KIF13A: variants seen among roughly 807,000 people sequenced by gnomAD.
KIF13A encodes the protein kinesin family member 13A.
A neutral mutation model predicts 212.2 loss-of-function variants in KIF13A; 79 were observed. The observed-to-expected ratio is 0.37, with a 90% CI of 0.31 to 0.45. The LOEUF is 0.45. Ranked by LOEUF, KIF13A falls within the 20% of genes least tolerant of loss-of-function variation. The pLI is 1.00. For synonymous variants in KIF13A, 789 were observed against 808.6 expected, an observed-to-expected ratio of 0.98 and a Z score of 0.41; for missense variants, 1,901 against 2,209.0, an observed-to-expected ratio of 0.86 and a Z score of 2.79.
Position 17,772,115 on chromosome 6 carries a change from T to G in KIF13A, c.4325-56A>C. The G allele has an allele frequency of 1.3e-6, 2 of 1,516,802 alleles. No homozygotes were observed. Among genetic ancestry groups the G allele is most frequent in the Non-Finnish European group, 1.8e-6 (2 of 1,098,856 alleles). 94.0% of individuals were successfully genotyped at this position (1,516,802 alleles called of 1,614,324 possible). On this transcript the variant is annotated intron_variant, in intron 36 of 38. Coordinates refer to ENST00000259711, the MANE Select transcript of KIF13A (RefSeq NM_022113.6). This position sits in a 1 kb window ranked among gnomAD's most constrained non-coding sequence, Gnocchi z 4.8. ...GATGCTGAACACTTTAAGCAAAACA[T>G]AGGAACTGAGACAATGACCCAGCCA...
At chr6:17,861,447 A>G (rs1484512247) in intron 4 of KIF13A, among the ~76,000 whole-genome samples, 1 of 152,146 alleles carries the variant, frequency 6.6e-6, no homozygotes, top group Non-Finnish European at 1.5e-5. Context: ...TATTTAGATT[A>G]TTTCCTTTTA....
chr6:17,833,014 C>CAAAAAAAAAAAAAAAAAAAAA (rs61281213), intron 12 of KIF13A, among the ~76,000 whole-genome samples: 1 of 75,386 alleles, frequency 1.3e-5, no homozygotes, highest in African/African-American at 6.8e-5. Context: ...ACTCTGTCTG[C>CAAAAAAAAAAAAAAAAAAAAA]AAAAAAAAAA....
chr6:17,825,711 G>C lies in KIF13A; in HGVS notation c.1786+57C>G. On this transcript the variant is annotated intron_variant, in intron 16 of 38. Transcript: ENST00000259711. The surrounding 1 kb of genome is among the most constrained non-coding windows in gnomAD (Gnocchi z 4.5). ...ACCTGATGCATGCTTATCCCTCACTGAATGGTGTGAGGTGAGGAAATGCCC... is the reference window on the plus strand; with the variant it reads ...ACCTGATGCATGCTTATCCCTCACTCAATGGTGTGAGGTGAGGAAATGCCC... 6.9e-7 allele frequency: 1 copy of C among 1,456,334 alleles called. No homozygotes were observed. Among genetic ancestry groups the C allele is most frequent in the Non-Finnish European group, 9.4e-7 (1 of 1,059,626 alleles). 90.2% of individuals were successfully genotyped at this position (1,456,334 alleles called of 1,614,324 possible). A position where few individuals can be genotyped will look rare whatever the true frequency, so the allele number is the denominator to read the frequency against.
chr6:17,833,741 A>G (rs1335312924), intron 12 of KIF13A, among the ~76,000 whole-genome samples: 1 of 150,870 alleles, frequency 6.6e-6, no homozygotes, highest in African/African-American at 2.4e-5. Flanking sequence ...CTGTAATCCC[A>G]GCTACTCGGG....
rs1216423894 is a variant in KIF13A at position 17,799,090 on chromosome 6, GATTTT to G, written c.2790+171_2790+175del. Among the ~76,000 whole-genome samples, 2 of 152,166 alleles carry G rather than the reference GATTTT, an allele frequency of 1.3e-5. No individual in the cohort carries two copies. Among genetic ancestry groups the G allele is most frequent in the Non-Finnish European group, 2.9e-5 (2 of 68,036 alleles). On this transcript the variant is annotated intron_variant, in intron 22 of 38. Coordinates refer to ENST00000259711, the MANE Select transcript of KIF13A (RefSeq NM_022113.6). The surrounding 1 kb of genome is among the most constrained non-coding windows in gnomAD (Gnocchi z 4.4). The stretch of plus-strand genomic sequence containing the variant: ...CAAGACTGTTGGTAGAGATCTTTTA[GATTTT>G]ATTTTAAATATTTCTAAACTATTTG...
At position 17,763,722 on chromosome 6, in the gene KIF13A, A is replaced by G; in HGVS notation, c.*388T>C. On this transcript the variant is annotated 3_prime_UTR_variant, in exon 39 of 39. Transcript: ENST00000259711. The stretch of plus-strand genomic sequence containing the variant: ...GATATGACAGAGTTTAATTGGCAGT[A>G]TTTTTTCTTAATGATACATAAAATA... 5 of 534,126 alleles carry G rather than the reference A, an allele frequency of 9.4e-6. No homozygotes were observed. The highest frequency in any genetic ancestry group is 6.4e-5 in the South Asian group (1 of 15,678). 33.1% of individuals were successfully genotyped at this position (534,126 alleles called of 1,614,324 possible).
Position 17,914,938 on chromosome 6 carries a change from T to C in KIF13A, c.147-16758A>G, listed in dbSNP as rs1774367780. ...CTGTGAGGTCATTCTCAGGATGAAA[T>C]ACACACTGGCCTATCTGCCACTATT... On this transcript the variant is annotated intron_variant, in intron 2 of 38. Coordinates refer to ENST00000259711, the MANE Select transcript of KIF13A (RefSeq NM_022113.6). The surrounding 1 kb of genome is among the most constrained non-coding windows in gnomAD (Gnocchi z 5.9). Among the ~76,000 whole-genome samples, 1 of 152,204 alleles carries C rather than the reference T, an allele frequency of 6.6e-6. No homozygotes were observed. The highest frequency in any genetic ancestry group is 2.1e-4 in the South Asian group (1 of 4,826).
At chr6:17,796,216 TTTGGAGACGGAGTC>T (rs1762020127) in intron 23 of KIF13A, among the ~76,000 whole-genome samples, 1 of 151,216 alleles carries the variant, frequency 6.6e-6, no homozygotes, top group Non-Finnish European at 1.5e-5. Context: ...TTTCTTTTTT[TTTGGAGACGGAGTC>T]TCACTCTGTT....
At chr6:17,765,417 T>A (rs1380604063) in intron 38 of KIF13A, among the ~76,000 whole-genome samples, 1 of 152,220 alleles carries the variant, frequency 6.6e-6, no homozygotes, top group East Asian at 1.9e-4. Context: ...AGGTAATTTT[T>A]AAAAAGTTTC....
At position 17,932,781 on chromosome 6, in the gene KIF13A, A is replaced by C. The variant is rs186128994; in HGVS notation, c.147-34601T>G. ...TAGCAGAGAGAGGGTTGAAGCGAGGAGGAAGTCTGTGAGAATGGAAAGAAA... is the reference window on the plus strand; with the variant it reads ...TAGCAGAGAGAGGGTTGAAGCGAGGCGGAAGTCTGTGAGAATGGAAAGAAA... On this transcript the variant is annotated intron_variant, in intron 2 of 38. Coordinates refer to ENST00000259711, the MANE Select transcript of KIF13A (RefSeq NM_022113.6). Among the ~76,000 whole-genome samples, 11 of 148,460 alleles carry C rather than the reference A, an allele frequency of 7.4e-5. No homozygotes were observed. The East Asian group carries it at 2.2e-3, about 30-fold the overall frequency.
At position 17,982,787 on chromosome 6, in the gene KIF13A, A is replaced by C. The variant is rs1250397855; in HGVS notation, c.146+4267T>G. Among the ~76,000 whole-genome samples the C allele has an allele frequency of 2.6e-5, 4 of 152,246 alleles. No homozygotes were observed. Among genetic ancestry groups the C allele is most frequent in the Admixed American group, 6.5e-5 (1 of 15,284 alleles). ...TAAAAGTCACGGGGATCAGACCCGT[A>C]AGCCAACCACCTATATTTTAAAAAC... On this transcript the variant is annotated intron_variant, in intron 2 of 38. Transcript: ENST00000259711. This position sits in a 1 kb window ranked among gnomAD's most constrained non-coding sequence, Gnocchi z 5.1.
In KIF13A at chr6:17,833,014, C is replaced by CAAAAAAAAAAA. The variant is rs61281213; in HGVS notation, c.1266+936_1266+946dup. On this transcript the variant is annotated intron_variant, in intron 12 of 38. Coordinates refer to ENST00000259711, the MANE Select transcript of KIF13A (RefSeq NM_022113.6). Reference sequence around the variant, plus strand: ...GGGCGACAGAGAGAGACTCTGTCTGCAAAAAAAAAAAAAAAAAAAAAAAAA... The same window carrying CAAAAAAAAAAA: ...GGGCGACAGAGAGAGACTCTGTCTGCAAAAAAAAAAAAAAAAAAAAAAAAAAAAAAAAAAAA... Among the ~76,000 whole-genome samples, 30 of 75,392 alleles carry CAAAAAAAAAAA rather than the reference C, an allele frequency of 4.0e-4. 2 individuals carry two copies. The highest frequency in any genetic ancestry group is 1.8e-3 in the African/African-American group (27 of 14,798). 49.5% of individuals were successfully genotyped at this position (75,392 alleles called of 152,430 possible). A position where few individuals can be genotyped will look rare whatever the true frequency, so the allele number is the denominator to read the frequency against.
intron 2 of KIF13A, among the ~76,000 whole-genome samples, chr6:17,955,499 T>C (rs1348997972): frequency 6.6e-6 from 1 of 152,196 alleles, no homozygotes. Flanking sequence ...ATCTTCCCTA[T>C]AATTTCCACA....
rs143293860 is a variant in KIF13A at position 17,959,539 on chromosome 6, T to C, written c.146+27515A>G. Among the ~76,000 whole-genome samples the C allele has an allele frequency of 1.4e-4, 22 of 152,292 alleles. 1 individual carries two copies. Among genetic ancestry groups the C allele is most frequent in the African/African-American group, 5.3e-4 (22 of 41,560 alleles). On this transcript the variant is annotated intron_variant, in intron 2 of 38. Transcript: ENST00000259711. ...TGTATTCTTAGAAAAATAAACTGGA[T>C]AGAAACAGGCAGTCAGTGTAAACAA...
In KIF13A at chr6:17,850,198, C is replaced by T. The variant is rs1767501727; in HGVS notation, c.717+125G>A. ...ATTAAATGATAAGCAAAGTAGCTCA[C>T]CTAGTAAGCAGAAGAGCCAACATAC... On this transcript the variant is annotated intron_variant, in intron 8 of 38. Transcript: ENST00000259711. The surrounding 1 kb of genome is among the most constrained non-coding windows in gnomAD (Gnocchi z 6.2). 1 of 886,424 alleles carries T rather than the reference C, an allele frequency of 1.1e-6. No homozygotes were observed. 54.9% of individuals were successfully genotyped at this position (886,424 alleles called of 1,614,324 possible). A position where few individuals can be genotyped will look rare whatever the true frequency, so the allele number is the denominator to read the frequency against.
intron 3 of KIF13A, among the ~76,000 whole-genome samples, chr6:17,896,833 C>A (rs1161083729): frequency 6.6e-6 from 1 of 152,178 alleles, no homozygotes; most frequent in East Asian, 1.9e-4. Flanking sequence ...CAGTATTTCA[C>A]TGGTATTTTT....
intron 20 of KIF13A, among the ~76,000 whole-genome samples, chr6:17,802,933 T>C (rs934271348): frequency 5.9e-5 from 7 of 119,624 alleles, no homozygotes; most frequent in African/African-American, 1.4e-4. Context: ...GTTTTTTTTG[T>C]TTTTTTTTGT....
intron 2 of KIF13A, among the ~76,000 whole-genome samples, chr6:17,977,827 T>A (rs1352041214): frequency 6.6e-6 from 1 of 152,264 alleles, no homozygotes; most frequent in Non-Finnish European, 1.5e-5. Context: ...ACATTAGGTA[T>A]ATTTCCTAAT....
intron 4 of KIF13A, among the ~76,000 whole-genome samples, chr6:17,867,735 C>G (rs186828948): frequency 6.6e-6 from 1 of 152,162 alleles, no homozygotes. Context: ...TATGCTAGAA[C>G]AAATTAATAT....
Sources: gnomAD v4.1 joint callset for allele counts (sites outside exome capture counted in the v4.1 genomes callset) on GRCh38, gnomAD v4.1.1 for gene constraint, Gnocchi (gnomAD v3.1) non-coding constraint, MANE v1.5 for transcripts, NCBI Gene and HGNC (gene_info 2026-07-23, HGNC 2026-07-21) for gene names.